Variants in LHFPL3 observed in about 807,000 individuals in gnomAD.
LHFPL3 encodes LHFPL tetraspan subfamily member 3, also known as LHFPL tetraspan subfamily member 3 protein.
Under a neutral mutation model 19.3 loss-of-function variants are expected in LHFPL3, and 5 were observed. The observed-to-expected ratio is 0.26, with a 90% confidence interval of 0.14 to 0.54. The LOEUF is 0.54. Among genes scored for constraint, LHFPL3 ranks in the 20% least tolerant of loss-of-function variants. LHFPL3 has a pLI of 0.94. For synonymous variants in LHFPL3, 133 were observed against 126.2 expected (o/e 1.05, Z -0.36); for missense variants, 249 against 307.4 (o/e 0.81, Z 1.42).
intron 1 of LHFPL3, among the ~76,000 whole-genome samples, chr7:104,520,150 G>A (rs111411004): frequency 3.9e-5 from 6 of 151,900 alleles, no homozygotes; most frequent in Admixed American, 1.3e-4. Context: ...AGAGTTTTTA[G>A]CATGAAGGGT....
chr7:104,779,350 AG>A (rs1794682439), intron 2 of LHFPL3, among the ~76,000 whole-genome samples: 2 of 152,196 alleles, frequency 1.3e-5, no homozygotes, highest in African/African-American at 4.8e-5. Context: ...CAAGCTCCTG[AG>A]GGCAGGGAAA....
intron 1 of LHFPL3, chr7:104,667,937 C>T (rs1440183141): frequency 6.6e-5 from 107 of 1,613,142 alleles, no homozygotes; most frequent in Admixed American, 1.7e-4. Flanking sequence ...ACGATGTGTA[C>T]AGGGCGCCTC....
At chr7:104,447,599 C>T (rs1314553225) in intron 1 of LHFPL3, among the ~76,000 whole-genome samples, 1 of 151,830 alleles carries the variant, frequency 6.6e-6, no homozygotes, top group Non-Finnish European at 1.5e-5. Context: ...TTGTTTGTTT[C>T]TTTGTTTTGG....
intron 2 of LHFPL3, chr7:104,759,886 G>C (rs1215557988): frequency 3.9e-5 from 6 of 152,240 alleles, no homozygotes; most frequent in Non-Finnish European, 5.9e-5. Flanking sequence ...GCATGCCAAA[G>C]ACTTGCCAAG....
chr7:104,548,513 G>T (rs896216244), intron 1 of LHFPL3, among the ~76,000 whole-genome samples: 18 of 152,106 alleles, frequency 1.2e-4, no homozygotes, highest in African/African-American at 4.3e-4. Flanking sequence ...CCAACAATCT[G>T]ATTGGAAGAT....
chr7:104,391,342 A>T (rs1791064212), intron 1 of LHFPL3, among the ~76,000 whole-genome samples: 1 of 152,152 alleles, frequency 6.6e-6, no homozygotes, highest in African/African-American at 2.4e-5. Flanking sequence ...TCTTTAATTC[A>T]TGTTGAATTA....
chr7:104,871,925 T>C (rs1377069755), intron 2 of LHFPL3, among the ~76,000 whole-genome samples: 2 of 151,870 alleles, frequency 1.3e-5, no homozygotes, highest in African/African-American at 4.8e-5. Context: ...CCCAAAGTAC[T>C]GGGATTACAG....
intron 2 of LHFPL3, among the ~76,000 whole-genome samples, chr7:104,848,828 T>C (rs1791361636): frequency 6.6e-6 from 1 of 152,146 alleles, no homozygotes; most frequent in South Asian, 2.1e-4. Flanking sequence ...CATATCAGCA[T>C]GCGAATATGC....
At chr7:104,665,400 G>T (rs893142573) in intron 1 of LHFPL3, among the ~76,000 whole-genome samples, 5 of 152,276 alleles carry the variant, frequency 3.3e-5, no homozygotes, top group African/African-American at 1.2e-4. Context: ...AGATTTAAAA[G>T]CCAGGTTCTA....
intron 1 of LHFPL3, among the ~76,000 whole-genome samples, chr7:104,722,612 ATAT>A (rs1793508961): frequency 1.3e-5 from 2 of 152,160 alleles, no homozygotes; most frequent in African/African-American, 2.4e-5. Flanking sequence ...AGAGGTATAA[ATAT>A]TATAGCTCAA....
Position 104,841,121 on chromosome 7 carries a change from G to A in LHFPL3, c.683-65066G>A, listed in dbSNP as rs532872529. On this transcript the variant is annotated intron_variant, in intron 2 of 2. Transcript: ENST00000424859. ...CACATGCATGGTGCCAGCAAGCCTCGGCTGCCTTTTGGCAGGGGCATTGAT... is the reference window on the plus strand; with the variant it reads ...CACATGCATGGTGCCAGCAAGCCTCAGCTGCCTTTTGGCAGGGGCATTGAT... Among the ~76,000 whole-genome samples, 50 of 152,156 alleles carry A rather than the reference G, an allele frequency of 3.3e-4. No individual in the cohort carries two copies. In the South Asian group the frequency reaches 8.1e-3, roughly 25 times the overall value.
chr7:104,747,905 A>G (rs1431184405), intron 2 of LHFPL3, among the ~76,000 whole-genome samples: 3 of 152,154 alleles, frequency 2.0e-5, no homozygotes, highest in Non-Finnish European at 4.4e-5. Flanking sequence ...TTCAATTAAT[A>G]AATTGTATTT....
chr7:104,787,908 A>C (rs1029007587), intron 2 of LHFPL3, among the ~76,000 whole-genome samples: 1 of 152,000 alleles, frequency 6.6e-6, no homozygotes, highest in African/African-American at 2.4e-5. Flanking sequence ...CCCAAGGCCC[A>C]CCCCCTAATA....
At chr7:104,732,458 T>C (rs1322892785) in intron 1 of LHFPL3, among the ~76,000 whole-genome samples, 1 of 152,200 alleles carries the variant, frequency 6.6e-6, no homozygotes, top group African/African-American at 2.4e-5. Context: ...CTTGGGAGGA[T>C]GTATATGTCC....
intron 1 of LHFPL3, among the ~76,000 whole-genome samples, chr7:104,356,277 A>T (rs1375129661): frequency 6.6e-6 from 1 of 152,124 alleles, no homozygotes; most frequent in African/African-American, 2.4e-5. Flanking sequence ...TGTTTCCTGT[A>T]CTCCTTCCTG....
rs1792196495 is a variant in LHFPL3 at position 104,660,052 on chromosome 7, A to C, written c.446-76623A>C. Among the ~76,000 whole-genome samples, 3 of 143,056 alleles carry C rather than the reference A, an allele frequency of 2.1e-5. No homozygotes were observed. In the South Asian group the frequency reaches 6.7e-4, roughly 32 times the overall value. 93.9% of individuals were successfully genotyped at this position (143,056 alleles called of 152,430 possible). On this transcript the variant is annotated intron_variant, in intron 1 of 2. Transcript: ENST00000424859. ...AGTCTCACTCTGTTGCCCAGGCTGG[A>C]GTATAGTGGTGTGATCTTGGCTCAC...
At chr7:104,373,617 G>T (rs965381316) in intron 1 of LHFPL3, among the ~76,000 whole-genome samples, 1 of 150,738 alleles carries the variant, frequency 6.6e-6, no homozygotes, top group Admixed American at 6.6e-5. Context: ...TTAGGAAGCC[G>T]TGAGACAACA....
At chr7:104,365,938 A>G (rs992596093) in intron 1 of LHFPL3, among the ~76,000 whole-genome samples, 14 of 152,162 alleles carry the variant, frequency 9.2e-5, no homozygotes, top group Non-Finnish European at 1.8e-4. Flanking sequence ...TCCAGGAAGA[A>G]CTCGAAGTTA....
chr7:104,382,045 C>T (rs1026106664), intron 1 of LHFPL3, among the ~76,000 whole-genome samples: 1 of 152,132 alleles, frequency 6.6e-6, no homozygotes, highest in Non-Finnish European at 1.5e-5. Context: ...TTTTGAGATC[C>T]CTGGATATCC....
Sources: allele counts gnomAD v4.1 joint callset (sites outside exome capture counted in the v4.1 genomes callset), GRCh38; gene constraint gnomAD v4.1.1; transcripts MANE v1.5; gene names NCBI Gene and HGNC (gene_info 2026-07-23, HGNC 2026-07-21).